The following ROBO2 variants were observed in gnomAD, a reference collection of about 807,000 sequenced individuals.
ROBO2 encodes roundabout homolog 2.
Under a neutral mutation model 160.8 loss-of-function variants are expected in ROBO2, and 53 were observed. The ratio of observed to expected loss-of-function variants is 0.33; its 90% CI spans 0.26 to 0.41. The LOEUF is 0.41. ROBO2 is among the 10% of genes least tolerant of loss of function. The pLI is 1.00. For synonymous variants in ROBO2, 664 were observed against 611.7 expected (o/e 1.09, Z -1.26); for missense variants, 1,577 against 1,722.4 (o/e 0.92, Z 1.49).
rs142464398 is a variant in ROBO2 at position 76,985,676 on chromosome 3, A to G, written c.110-112338A>G. ...CTCTAGGAGGACATAATCAATTTGA[A>G]CATTGTTAGCAATGGCTAATGTTCT... On this transcript the variant is annotated intron_variant, in intron 2 of 26. Transcript: ENST00000487694. Among the ~76,000 whole-genome samples the G allele has an allele frequency of 4.7e-4, 72 of 152,088 alleles. No individual in the cohort carries two copies. In the East Asian group the frequency reaches 0.012, roughly 26 times the overall value.
intron 2 of ROBO2, among the ~76,000 whole-genome samples, chr3:76,191,792 TCA>T (rs1702017930): frequency 1.3e-5 from 2 of 152,134 alleles, no homozygotes; most frequent in African/African-American, 2.4e-5. Flanking sequence ...GTAATATTTC[TCA>T]CATCCCTCTG....
At chr3:76,972,543 A>G (rs898188606) in intron 2 of ROBO2, among the ~76,000 whole-genome samples, 6 of 152,072 alleles carry the variant, frequency 3.9e-5, no homozygotes, top group African/African-American at 1.2e-4. Flanking sequence ...ATATAAATAT[A>G]AGTGATCTTT....
chr3:76,811,596 G>C (rs2108993988), intron 2 of ROBO2, among the ~76,000 whole-genome samples: 1 of 152,202 alleles, frequency 6.6e-6, no homozygotes, highest in Non-Finnish European at 1.5e-5. Context: ...TCATCACCCT[G>C]TAGGCATTTT....
chr3:76,370,089 G>GCTT (rs2108472186), intron 2 of ROBO2, among the ~76,000 whole-genome samples: 1 of 152,048 alleles, frequency 6.6e-6, no homozygotes, highest in East Asian at 1.9e-4. Context: ...ATTACAGAGA[G>GCTT]CTTTGCATTT....
intron 12 of ROBO2, among the ~76,000 whole-genome samples, chr3:77,566,957 A>G (rs2093500464): frequency 6.6e-6 from 1 of 152,062 alleles, no homozygotes; most frequent in Non-Finnish European, 1.5e-5. Flanking sequence ...TTATTTCATT[A>G]AAAGTACAAA....
At chr3:76,162,313 T>A (rs2072672866) in intron 2 of ROBO2, among the ~76,000 whole-genome samples, 1 of 152,136 alleles carries the variant, frequency 6.6e-6, no homozygotes, top group African/African-American at 2.4e-5. Context: ...TGTGTTTCAT[T>A]TTATTTATTT....
chr3:77,200,082 A>G (rs1475327907), intron 2 of ROBO2, among the ~76,000 whole-genome samples: 1 of 150,918 alleles, frequency 6.6e-6, no homozygotes. Context: ...TTAGATGTAT[A>G]AGTATGTATA....
chr3:76,149,051 C>T (rs540231830), intron 2 of ROBO2, among the ~76,000 whole-genome samples: 15 of 152,150 alleles, frequency 9.9e-5, no homozygotes, highest in African/African-American at 3.6e-4. Context: ...CAATTTTTCT[C>T]GTCTCTATAA....
chr3:76,855,101 T>G (rs1305139913), intron 2 of ROBO2, among the ~76,000 whole-genome samples: 3 of 152,188 alleles, frequency 2.0e-5, no homozygotes, highest in Admixed American at 2.0e-4. Context: ...ACAAATTAAG[T>G]AAAATTCACA....
At chr3:77,477,671 T>A in intron 3 of ROBO2, 100 bp downstream of exon 3, 1 of 1,219,274 alleles carries the variant, frequency 8.2e-7, no homozygotes, top group Non-Finnish European at 1.2e-6. Flanking sequence ...TACAATTGTA[T>A]TTGAATGTTA....
At chr3:76,361,261 C>T (rs1280474247) in intron 2 of ROBO2, among the ~76,000 whole-genome samples, 2 of 152,058 alleles carry the variant, frequency 1.3e-5, no homozygotes, top group Non-Finnish European at 2.9e-5. Context: ...AGCAACACTT[C>T]TTGTGGAAGA....
intron 2 of ROBO2, among the ~76,000 whole-genome samples, chr3:77,331,245 G>A (rs1319124091): frequency 6.6e-6 from 1 of 152,168 alleles, no homozygotes; most frequent in African/African-American, 2.4e-5. Context: ...TAAACTTTAT[G>A]TTTAGTGAAA....
chr3:76,567,654 C>T (rs9881888), intron 2 of ROBO2, among the ~76,000 whole-genome samples: 22,488 of 40,328 alleles, frequency 0.56, 5,052 homozygotes, highest in East Asian at 0.62. Flanking sequence ...TATATATATA[C>T]ACATACACAT....
intron 2 of ROBO2, among the ~76,000 whole-genome samples, chr3:77,461,612 G>T (rs2082250269): frequency 6.6e-6 from 1 of 151,234 alleles, no homozygotes; most frequent in Admixed American, 6.6e-5. Flanking sequence ...GCATATCAAA[G>T]AAAATAATAT....
At chr3:76,043,586 G>A (rs2067347625) in intron 2 of ROBO2, among the ~76,000 whole-genome samples, 1 of 118,188 alleles carries the variant, frequency 8.5e-6, no homozygotes, top group Non-Finnish European at 1.6e-5. Context: ...AGCCTGAAAT[G>A]CAGAGCTTAC....
chr3:77,455,165 C>T (rs150040062), intron 2 of ROBO2, among the ~76,000 whole-genome samples: 76 of 152,218 alleles, frequency 5.0e-4, no homozygotes, highest in African/African-American at 1.7e-3. Context: ...AATAGAATTA[C>T]TAGTATAAAT....
chr3:76,871,959 T>C (rs2072143273), intron 2 of ROBO2, among the ~76,000 whole-genome samples: 1 of 152,234 alleles, frequency 6.6e-6, no homozygotes, highest in Non-Finnish European at 1.5e-5. Flanking sequence ...TTCACATTTT[T>C]TAAAATTTTC....
intron 2 of ROBO2, among the ~76,000 whole-genome samples, chr3:76,590,278 T>A (rs563677650): frequency 6.6e-6 from 1 of 152,288 alleles, no homozygotes; most frequent in Non-Finnish European, 1.5e-5. Context: ...CTCCCAACCA[T>A]ACTGATGCAA....
At chr3:77,240,350 C>T (rs542986618) in intron 2 of ROBO2, among the ~76,000 whole-genome samples, 48 of 152,284 alleles carry the variant, frequency 3.2e-4, no homozygotes, top group South Asian at 1.4e-3. Flanking sequence ...CCTCACTGCC[C>T]GGAGCCGTCA....
Sources: allele counts gnomAD v4.1 joint callset (sites outside exome capture counted in the v4.1 genomes callset), GRCh38; gene constraint gnomAD v4.1.1; transcripts MANE v1.5; gene names NCBI Gene and HGNC (gene_info 2026-07-23, HGNC 2026-07-21).